Variants in ACOXL observed in about 807,000 individuals in gnomAD.
ACOXL encodes the protein acyl-coenzyme A oxidase-like protein.
Under a neutral mutation model 71.9 loss-of-function variants are expected in ACOXL, and 70 were observed. That is an observed-to-expected ratio of 0.97 (90% CI 0.80 to 1.19). The LOEUF is 1.19. Ranked by LOEUF, ACOXL falls within the 50% of genes most tolerant of loss-of-function variation. The pLI, the probability that ACOXL is intolerant of heterozygous loss-of-function variation, is 0.00. For missense variants in ACOXL, 703 were observed against 736.3 expected, an observed-to-expected ratio of 0.95 and a Z score of 0.52; for synonymous variants, 253 against 281.6, an observed-to-expected ratio of 0.90 and a Z score of 1.02.
intron 16 of ACOXL, among the ~76,000 whole-genome samples, chr2:111,053,951 G>A (rs1269015866): frequency 3.3e-5 from 5 of 152,336 alleles, no homozygotes; most frequent in Middle Eastern, 3.4e-3. Context: ...AGTATTGAAG[G>A]AGCTTTGGCT....
chr2:110,852,269 G>A lies in ACOXL; in HGVS notation c.788+10864G>A, dbSNP rs144766948. Among the ~76,000 whole-genome samples, 164 of 152,304 alleles carry A rather than the reference G, an allele frequency of 1.1e-3. 1 individual carries two copies. Among genetic ancestry groups the A allele is most frequent in the Non-Finnish European group, 1.6e-3 (106 of 68,028 alleles). On this transcript the variant is annotated intron_variant, in intron 10 of 17. Transcript: ENST00000439055. The stretch of plus-strand genomic sequence containing the variant: ...GGCTGGTGCCTACCCATTTCATGGC[G>A]TGGTGGAGGGGGGCTACCAAGGTCT...
chr2:110,826,147 A>G (rs899071267), intron 9 of ACOXL, among the ~76,000 whole-genome samples: 1 of 152,210 alleles, frequency 6.6e-6, no homozygotes, highest in Non-Finnish European at 1.5e-5. Flanking sequence ...AATATAGCAC[A>G]TTAAAGGAAA....
chr2:110,844,705 G>A (rs1032721706), intron 10 of ACOXL, among the ~76,000 whole-genome samples: 4 of 151,866 alleles, frequency 2.6e-5, no homozygotes, highest in African/African-American at 7.3e-5. Flanking sequence ...CTGCCATCAC[G>A]CCCAGCTAAT....
At chr2:110,911,362 C>T (rs1292691685) in intron 11 of ACOXL, among the ~76,000 whole-genome samples, 2 of 152,008 alleles carry the variant, frequency 1.3e-5, no homozygotes, top group African/African-American at 2.4e-5. Flanking sequence ...GAACACTTCC[C>T]AACTTATCCC....
intron 12 of ACOXL, chr2:110,963,476 T>C (rs895329136): frequency 8.0e-7 from 1 of 1,252,542 alleles, no homozygotes; most frequent in African/African-American, 1.5e-5. Flanking sequence ...AGGAGAAATA[T>C]GATTGTTTAC....
intron 10 of ACOXL, among the ~76,000 whole-genome samples, chr2:110,895,911 T>C (rs751782606): frequency 4.2e-4 from 63 of 151,744 alleles, no homozygotes; most frequent in Non-Finnish European, 7.8e-4. Flanking sequence ...AAGGAAACAA[T>C]AAAAGAAAGA....
At chr2:110,762,779 C>G (rs1373879026) in intron 1 of ACOXL, among the ~76,000 whole-genome samples, 1 of 152,110 alleles carries the variant, frequency 6.6e-6, no homozygotes, top group East Asian at 1.9e-4. Flanking sequence ...CCTCAGACTC[C>G]CAAGTAGCTG....
rs148100865 is a variant in ACOXL, at chr2:110,866,743, G to A, written c.788+25338G>A. Among the ~76,000 whole-genome samples the A allele has an allele frequency of 7.2e-3, 1,103 of 152,164 alleles. 16 individuals carry two copies. Among genetic ancestry groups the A allele is most frequent in the Middle Eastern group, 0.014 (4 of 292 alleles). ...TGTCTCTGTATTCACTTGCTCACCCGTTCACGAAATCACTCACCAGCTCAC... is the reference window on the plus strand; with the variant it reads ...TGTCTCTGTATTCACTTGCTCACCCATTCACGAAATCACTCACCAGCTCAC... On this transcript the variant is annotated intron_variant, in intron 10 of 17. Coordinates refer to ENST00000439055, the MANE Select transcript of ACOXL (RefSeq NM_001142807.4).
At chr2:110,932,699 G>A (rs1210464688) in intron 11 of ACOXL, among the ~76,000 whole-genome samples, 3 of 152,218 alleles carry the variant, frequency 2.0e-5, no homozygotes, top group Non-Finnish European at 4.4e-5. Context: ...GATCCTATGT[G>A]TGTAGACCAA....
At chr2:111,013,859 G>A (rs73954905) in intron 14 of ACOXL, among the ~76,000 whole-genome samples, 1 of 63,054 alleles carries the variant, frequency 1.6e-5, no homozygotes, top group Non-Finnish European at 3.2e-5. Flanking sequence ...TATTCTCCAC[G>A]AATATAGGTG....
At chr2:110,870,340 CTT>C (rs138530387) in intron 10 of ACOXL, among the ~76,000 whole-genome samples, 1 of 146,090 alleles carries the variant, frequency 6.8e-6, no homozygotes, top group African/African-American at 2.5e-5. Flanking sequence ...AAGCCCTAGA[CTT>C]TTTTTTTTTT....
intron 10 of ACOXL, among the ~76,000 whole-genome samples, chr2:110,870,170 C>A (rs1462536111): frequency 6.6e-6 from 1 of 152,204 alleles, no homozygotes; most frequent in African/African-American, 2.4e-5. Flanking sequence ...CAGAGTCCCA[C>A]CTGAGGTGCT....
intron 5 of ACOXL, among the ~76,000 whole-genome samples, chr2:110,796,739 A>G (rs1685330769): frequency 6.6e-6 from 1 of 152,190 alleles, no homozygotes; most frequent in East Asian, 1.9e-4. Flanking sequence ...TACCCTGATA[A>G]GACAAGGGTG....
chr2:110,741,442 GA>G (rs767762136), intron 1 of ACOXL, among the ~76,000 whole-genome samples: 4 of 152,108 alleles, frequency 2.6e-5, no homozygotes, highest in African/African-American at 7.2e-5. Context: ...TCAAATTTTA[GA>G]AGGACACCAG....
At chr2:110,743,622 G>A (rs866269928) in intron 1 of ACOXL, among the ~76,000 whole-genome samples, 3 of 152,132 alleles carry the variant, frequency 2.0e-5, no homozygotes, top group Non-Finnish European at 4.4e-5. Flanking sequence ...CGGGATCCTC[G>A]ATTGACCAGG....
At chr2:111,019,081 G>A (rs150388946) in intron 14 of ACOXL, among the ~76,000 whole-genome samples, 116 of 152,328 alleles carry the variant, frequency 7.6e-4, no homozygotes, top group African/African-American at 2.6e-3. Context: ...GCTTTAAGCA[G>A]TCACTAAGGG....
At chr2:110,877,400 G>C (rs1373052981) in intron 10 of ACOXL, among the ~76,000 whole-genome samples, 1 of 152,226 alleles carries the variant, frequency 6.6e-6, no homozygotes, top group East Asian at 1.9e-4. Context: ...CCGTGTGCTT[G>C]CTTTCTAGAT....
intron 16 of ACOXL, among the ~76,000 whole-genome samples, chr2:111,081,978 A>G (rs552770656): frequency 6.6e-6 from 1 of 152,194 alleles, no homozygotes; most frequent in Admixed American, 6.6e-5. Flanking sequence ...CACAGAAAAC[A>G]GAAACTGGAC....
intron 8 of ACOXL, among the ~76,000 whole-genome samples, chr2:110,803,921 C>T (rs978439310): frequency 1.1e-4 from 17 of 150,928 alleles, no homozygotes; most frequent in African/African-American, 3.6e-4. Flanking sequence ...TGCTCAATGT[C>T]GTTGCCATTA....
Sources: allele counts gnomAD v4.1 joint callset (sites outside exome capture counted in the v4.1 genomes callset), GRCh38; gene constraint gnomAD v4.1.1; transcripts MANE v1.5; gene names NCBI Gene and HGNC (gene_info 2026-07-23, HGNC 2026-07-21).